RBFOX1: variants seen among roughly 807,000 people sequenced by gnomAD.
RBFOX1 encodes RNA binding fox-1 homolog 1, also known as RNA binding protein fox-1 homolog 1.
RBFOX1 carries 8 observed loss-of-function variants against 57.7 expected under a neutral mutation model. That is an observed-to-expected ratio of 0.14 (90% CI 0.08 to 0.25). RBFOX1 has a LOEUF of 0.25. Ranked by LOEUF, RBFOX1 falls within the 10% of genes least tolerant of loss-of-function variation. The pLI is 1.00. For synonymous variants in RBFOX1, 326 were observed against 222.4 expected, an observed-to-expected ratio of 1.47 and a Z score of -4.15; for missense variants, 611 against 548.5, an observed-to-expected ratio of 1.11 and a Z score of -1.14.
chr16:6,637,192 A>G (rs1353360442), intron 2 of RBFOX1, among the ~76,000 whole-genome samples: 1 of 70,900 alleles, frequency 1.4e-5, no homozygotes, highest in African/African-American at 5.8e-5. Context: ...AATATACAAT[A>G]TATATTATAT....
intron 2 of RBFOX1, among the ~76,000 whole-genome samples, chr16:5,502,434 T>A (rs1230987677): frequency 6.6e-6 from 1 of 151,828 alleles, no homozygotes; most frequent in Non-Finnish European, 1.5e-5. Context: ...GGTCAGGGGG[T>A]GGACATGGAG....
At chr16:6,169,564 G>A (rs1009335676) in intron 1 of RBFOX1, among the ~76,000 whole-genome samples, 3 of 152,158 alleles carry the variant, frequency 2.0e-5, no homozygotes, top group Non-Finnish European at 4.4e-5. Context: ...GCCACGTGGT[G>A]GAAGATGTAT....
chr16:6,457,234 A>G (rs1400122670), intron 2 of RBFOX1, among the ~76,000 whole-genome samples: 2 of 152,228 alleles, frequency 1.3e-5, no homozygotes, highest in Non-Finnish European at 2.9e-5. Flanking sequence ...TCAGAAAATC[A>G]GCAGGAAATA....
chr16:5,364,444 A>C (rs1321782329), intron 1 of RBFOX1, among the ~76,000 whole-genome samples: 1 of 152,238 alleles, frequency 6.6e-6, no homozygotes, highest in African/African-American at 2.4e-5. Flanking sequence ...TTCCAATTAC[A>C]GGCTGCCAAT....
At chr16:7,550,543 C>T (rs2086045626) in intron 5 of RBFOX1, among the ~76,000 whole-genome samples, 1 of 152,170 alleles carries the variant, frequency 6.6e-6, no homozygotes, top group African/African-American at 2.4e-5. Flanking sequence ...CTCTACAGGG[C>T]ATCTTATATT....
At chr16:6,430,857 A>G (rs185652933) in intron 2 of RBFOX1, among the ~76,000 whole-genome samples, 8 of 151,904 alleles carry the variant, frequency 5.3e-5, no homozygotes, top group Admixed American at 6.6e-5. Context: ...GTGGTCAGGA[A>G]CAGTAGCTCA....
chr16:6,927,855 A>C (rs988103056), intron 3 of RBFOX1, among the ~76,000 whole-genome samples: 1 of 152,210 alleles, frequency 6.6e-6, no homozygotes, highest in African/African-American at 2.4e-5. Context: ...ATCTCACAAC[A>C]CATCATTTCA....
chr16:5,592,661 T>C (rs2151186588), intron 2 of RBFOX1, among the ~76,000 whole-genome samples: 1 of 152,314 alleles, frequency 6.6e-6, no homozygotes, highest in South Asian at 2.1e-4. Context: ...TTAAGTCCTC[T>C]GTTTGGACCA....
intron 3 of RBFOX1, among the ~76,000 whole-genome samples, chr16:6,788,269 C>T (rs183579469): frequency 2.3e-4 from 35 of 152,024 alleles, no homozygotes; most frequent in Admixed American, 6.6e-4. Flanking sequence ...TGCATCATAC[C>T]TGTTCTGATT....
intron 3 of RBFOX1, among the ~76,000 whole-genome samples, chr16:6,894,463 A>C (rs1051928394): frequency 6.6e-6 from 1 of 152,044 alleles, no homozygotes; most frequent in Non-Finnish European, 1.5e-5. Flanking sequence ...TGCCTTTATT[A>C]TCTTTTGGTT....
chr16:7,135,624 A>C (rs1770692407), intron 4 of RBFOX1, among the ~76,000 whole-genome samples: 1 of 152,246 alleles, frequency 6.6e-6, no homozygotes, highest in South Asian at 2.1e-4. Flanking sequence ...TTGTTAATTT[A>C]ATTGCCGCTG....
intron 1 of RBFOX1, among the ~76,000 whole-genome samples, chr16:6,040,782 G>T (rs2095428342): frequency 6.6e-6 from 1 of 151,976 alleles, no homozygotes; most frequent in African/African-American, 2.4e-5. Flanking sequence ...TTTCAGTAGA[G>T]ACTGGGTTTC....
intron 4 of RBFOX1, among the ~76,000 whole-genome samples, chr16:7,421,485 C>G (rs1171467616): frequency 6.6e-6 from 1 of 152,196 alleles, no homozygotes; most frequent in Non-Finnish European, 1.5e-5. Flanking sequence ...TTAGCTTTGG[C>G]AATAGTGACA....
chr16:5,354,454 T>G (rs971690629), intron 1 of RBFOX1, among the ~76,000 whole-genome samples: 1 of 152,170 alleles, frequency 6.6e-6, no homozygotes, highest in African/African-American at 2.4e-5. Flanking sequence ...GCCCCGGTTT[T>G]CTTGTGTGTA....
At chr16:7,615,287 C>G (rs10852687) in intron 10 of RBFOX1, among the ~76,000 whole-genome samples, 2 of 151,762 alleles carry the variant, frequency 1.3e-5, no homozygotes, top group Non-Finnish European at 2.9e-5. Flanking sequence ...GAGCTGAGAT[C>G]GTGCCACTGC....
chr16:7,195,638 A>T (rs185544509), intron 4 of RBFOX1, among the ~76,000 whole-genome samples: 2 of 151,978 alleles, frequency 1.3e-5, no homozygotes, highest in African/African-American at 2.4e-5. Flanking sequence ...ACTCACTGCA[A>T]CCTCCACCTC....
intron 12 of RBFOX1, among the ~76,000 whole-genome samples, chr16:7,661,044 C>T (rs1186137472): frequency 1.3e-5 from 2 of 152,160 alleles, no homozygotes; most frequent in East Asian, 1.9e-4. Context: ...GGGACTGATC[C>T]ATGGTAAGTG....
intron 3 of RBFOX1, among the ~76,000 whole-genome samples, chr16:6,924,042 T>A (rs1273229432): frequency 6.6e-6 from 1 of 151,838 alleles, no homozygotes; most frequent in Non-Finnish European, 1.5e-5. Flanking sequence ...TGGTGGTACG[T>A]ACCTGTAGTC....
At chr16:7,439,453 A>G (rs768725655) in intron 4 of RBFOX1, among the ~76,000 whole-genome samples, 6 of 152,160 alleles carry the variant, frequency 3.9e-5, no homozygotes, top group Admixed American at 2.0e-4. Context: ...AATCATTTGT[A>G]TTCTTCTTGT....
Sources: allele counts gnomAD v4.1 joint callset (sites outside exome capture counted in the v4.1 genomes callset), GRCh38; gene constraint gnomAD v4.1.1; transcripts MANE v1.5; gene names NCBI Gene and HGNC (gene_info 2026-07-23, HGNC 2026-07-21).